The following ATP1B4 variants were observed in gnomAD, a reference collection of about 807,000 sequenced individuals.
The protein encoded by ATP1B4 is protein ATP1B4.
Under a neutral mutation model 29.6 loss-of-function variants are expected in ATP1B4, and 32 were observed. The ratio of observed to expected loss-of-function variants is 1.08; its 90% CI spans 0.82 to 1.45. The LOEUF (loss-of-function observed/expected upper bound fraction) is 1.45, where lower values mean the gene tolerates loss of function less well. ATP1B4 is among the 40% of genes most tolerant of loss of function. The pLI, the probability that ATP1B4 is intolerant of heterozygous loss-of-function variation, is 0.00. For missense variants in ATP1B4, 323 were observed against 276.2 expected, an observed-to-expected ratio of 1.17 and a Z score of -1.20; for synonymous variants, 127 against 102.1, an observed-to-expected ratio of 1.24 and a Z score of -1.47.
At chrX:120,372,285 G>A (rs752523526) in intron 4 of ATP1B4, among the ~76,000 whole-genome samples, 22 of 111,716 alleles carry the variant, frequency 2.0e-4, no homozygotes, top group Non-Finnish European at 3.8e-4. Context: ...TGGTTGTCCT[G>A]GCCTGGTTGA....
At position 120,378,755 on chromosome X, in the gene ATP1B4, C is replaced by CAGCTTACAGTCAGCT. The variant is rs1183977499; in HGVS notation, c.894_895insAGCTTACAGTCAGCT (p.Tyr298_Tyr299insSerLeuGlnSerAla). Reference sequence around the variant, plus strand: ...CTTTTGACCTCCGCTACTACCCTTACTACGGCAAACTGACTCACGTAAGCT... The same window carrying CAGCTTACAGTCAGCT: ...CTTTTGACCTCCGCTACTACCCTTACAGCTTACAGTCAGCTTACGGCAAACTGACTCACGTAAGCT... On this transcript the variant is annotated inframe_insertion, in exon 7 of 8. Coordinates refer to ENST00000218008, the MANE Select transcript of ATP1B4 (RefSeq NM_001142447.3). 8.3e-7 allele frequency: 1 copy of CAGCTTACAGTCAGCT among 1,207,190 alleles called. No individual in the cohort carries two copies.
At chrX:120,377,654 A>C (rs1017545687) in intron 6 of ATP1B4, among the ~76,000 whole-genome samples, 1 of 112,050 alleles carries the variant, frequency 8.9e-6, no homozygotes, top group East Asian at 2.8e-4. Flanking sequence ...CTTGCTAAGA[A>C]CTGTCCTTTC....
intron 4 of ATP1B4, among the ~76,000 whole-genome samples, chrX:120,374,805 T>A (rs796807664): frequency 0.079 from 134 of 1,687 alleles, no homozygotes; most frequent in Non-Finnish European, 0.13. Context: ...CTTATATATA[T>A]TATATTATAT....
chrX:120,378,080 C>A (rs139804985), intron 6 of ATP1B4, among the ~76,000 whole-genome samples: 27 of 110,642 alleles, frequency 2.4e-4, no homozygotes, highest in Non-Finnish European at 4.5e-4. Flanking sequence ...CCCCTCTGAC[C>A]CCACCTACTG....
At chrX:120,374,676 AT>A (rs763328003) in intron 4 of ATP1B4, among the ~76,000 whole-genome samples, 2,402 of 51,230 alleles carry the variant, frequency 0.047, 262 homozygotes, top group East Asian at 0.28. Context: ...TAATATATAT[AT>A]TATATACCCT....
At chrX:120,373,561 T>C (rs1336987510) in intron 4 of ATP1B4, among the ~76,000 whole-genome samples, 1 of 112,172 alleles carries the variant, frequency 8.9e-6, no homozygotes, top group Non-Finnish European at 1.9e-5. Context: ...CAGGACTAAC[T>C]GGGCTCCATC....
chrX:120,376,854 A>G (rs550525057), intron 6 of ATP1B4, among the ~76,000 whole-genome samples: 1 of 112,627 alleles, frequency 8.9e-6, no homozygotes, highest in South Asian at 3.6e-4. Flanking sequence ...TTAAAACTGA[A>G]TTTCACATTT....
chrX:120,368,969 A>G (rs1335843507), intron 2 of ATP1B4, among the ~76,000 whole-genome samples: 1 of 111,671 alleles, frequency 9.0e-6, no homozygotes, highest in Non-Finnish European at 1.9e-5. Context: ...GTGATCACCT[A>G]TCATAAACTC....
intron 1 of ATP1B4, among the ~76,000 whole-genome samples, chrX:120,362,929 C>T (rs1037156410): frequency 8.9e-6 from 1 of 112,763 alleles, no homozygotes; most frequent in Non-Finnish European, 1.9e-5. Context: ...CATTGCCATC[C>T]TGACTGCCAC....
chrX:120,375,565 C>G lies in ATP1B4; in HGVS notation c.756C>G (p.Asn252Lys). The change falls in exon 5 of 8, where the codon AAC (asparagine) becomes AAG (lysine). Residue 252 changes from asparagine to lysine, a missense_variant. Transcript: ENST00000218008. ...AGCCCTGCATCCTTCTAAAGATGAACCGGGTATATTGGCTTTTCATATCTG... is the reference window on the plus strand; with the variant it reads ...AGCCCTGCATCCTTCTAAAGATGAAGCGGGTATATTGGCTTTTCATATCTG... ...TGQPCILLKM[N>K]RIVGFRPELG... 8.3e-7 allele frequency: 1 copy of G among 1,202,906 alleles called. No individual in the cohort carries two copies. The highest frequency in any genetic ancestry group is 1.1e-6 in the Non-Finnish European group (1 of 890,849).
In ATP1B4 at chrX:120,379,717, A is replaced by G. The variant is rs2058373523; in HGVS notation, c.*83A>G. The G allele has an allele frequency of 3.1e-6, 3 of 981,684 alleles. No homozygotes were observed. Among genetic ancestry groups the G allele is most frequent in the Non-Finnish European group, 4.1e-6 (3 of 723,032 alleles). 80.9% of individuals were successfully genotyped at this position (981,684 alleles called of 1,213,427 possible). On this transcript the variant is annotated 3_prime_UTR_variant, in exon 8 of 8. Coordinates refer to ENST00000218008, the MANE Select transcript of ATP1B4 (RefSeq NM_001142447.3). ...GGTAGCACCTGAATTCTTTTTCTTC[A>G]ATTAGGACACAGCCAGATGGACATC... is the stretch of plus-strand genomic sequence containing the variant.
At chrX:120,375,634 C>G (rs762690275) in intron 5 of ATP1B4, 66 bp downstream of exon 5, 1 of 968,716 alleles carries the variant, frequency 1.0e-6, no homozygotes, top group Non-Finnish European at 1.4e-6. Flanking sequence ...TCTGGCCACT[C>G]CATTTGTCTT....
rs761180567 is a variant in ATP1B4, at chrX:120,366,602, G to A, written c.141G>A (p.Val47=). The change falls in exon 2 of 8, where the codon GTG becomes GTA. Residue 47 remains valine (V), a synonymous_variant. Transcript: ENST00000218008. ...CAGAAGAAGAGGCTCGGGTGACGGTGGTGCCCAAATCGGAGGAGGAGGAAG... is the reference window on the plus strand; with the variant it reads ...CAGAAGAAGAGGCTCGGGTGACGGTAGTGCCCAAATCGGAGGAGGAGGAAG... The part of the protein sequence containing the change: ...EEAEEEARVT[V]VPKSEEEEEE... 7.5e-6 allele frequency: 9 copies of A among 1,200,616 alleles called. No homozygotes were observed. The highest frequency in any genetic ancestry group is 3.5e-5 in the African/African-American group (2 of 56,552).
intron 6 of ATP1B4, among the ~76,000 whole-genome samples, chrX:120,376,728 C>A (rs747193996): frequency 1.8e-5 from 2 of 112,250 alleles, no homozygotes; most frequent in Admixed American, 9.5e-5. Context: ...CAGCAGGGAA[C>A]AACAATGTGC....
chrX:120,365,637 C>T (rs993485484), intron 1 of ATP1B4, among the ~76,000 whole-genome samples: 2 of 112,556 alleles, frequency 1.8e-5, no homozygotes, highest in African/African-American at 6.5e-5. Flanking sequence ...AGCAAAGATA[C>T]AACTCTCTGG....
At chrX:120,371,547 G>T (rs979866253) in intron 4 of ATP1B4, among the ~76,000 whole-genome samples, 1 of 111,865 alleles carries the variant, frequency 8.9e-6, no homozygotes, top group Non-Finnish European at 1.9e-5. Flanking sequence ...GATAATTCTT[G>T]GGGGAGATAG....
At position 120,366,599 on chromosome X, in the gene ATP1B4, G is replaced by A. The variant is rs750820759; in HGVS notation, c.138G>A (p.Thr46=). The A allele has an allele frequency of 5.0e-6, 6 of 1,198,843 alleles. No individual in the cohort carries two copies. The highest frequency in any genetic ancestry group is 4.5e-6 in the Non-Finnish European group (4 of 886,033). ...AAGCAGAAGAAGAGGCTCGGGTGAC[G>A]GTGGTGCCCAAATCGGAGGAGGAGG... ...EEEAEEEARV[T]VVPKSEEEEE... is the part of the protein sequence containing the mutation. Residue 46 remains threonine (T), a synonymous_variant, in exon 2 of 8, where the codon ACG becomes ACA. Transcript: ENST00000218008.
intron 6 of ATP1B4, among the ~76,000 whole-genome samples, chrX:120,377,416 T>C (rs2058361677): frequency 8.9e-6 from 1 of 112,453 alleles, no homozygotes; most frequent in Non-Finnish European, 1.9e-5. Flanking sequence ...AGGAAGCACA[T>C]TCTGTTCTCA....
At chrX:120,373,978 A>C (rs2058327209) in intron 4 of ATP1B4, among the ~76,000 whole-genome samples, 1 of 103,973 alleles carries the variant, frequency 9.6e-6, no homozygotes, top group Non-Finnish European at 1.9e-5. Flanking sequence ...CATACTTCTC[A>C]CTCTTACAAT....
Sources: allele counts gnomAD v4.1 joint callset (sites outside exome capture counted in the v4.1 genomes callset), GRCh38; gene constraint gnomAD v4.1.1; transcripts MANE v1.5; gene names NCBI Gene and HGNC (gene_info 2026-07-23, HGNC 2026-07-21).